The following ASNS variants were observed in gnomAD, a reference collection of about 807,000 sequenced individuals.
ASNS encodes the protein asparagine synthetase (glutamine-hydrolyzing), also known as asparagine synthetase [glutamine-hydrolyzing].
A neutral mutation model predicts 62.6 loss-of-function variants in ASNS; 37 were observed. The observed-to-expected ratio is 0.59, with a 90% CI of 0.45 to 0.78. The LOEUF (loss-of-function observed/expected upper bound fraction) is 0.78, where lower values mean the gene tolerates loss of function less well. Ranked by LOEUF, ASNS falls within the 30% of genes least tolerant of loss-of-function variation. ASNS has a pLI of 0.00. For missense variants in ASNS, 520 were observed against 682.4 expected (o/e 0.76, Z 2.65); for synonymous variants, 207 against 237.9 (o/e 0.87, Z 1.19).
the ASNS span, among the ~76,000 whole-genome samples, chr7:97,889,794 A>C: frequency 6.6e-6 from 1 of 151,848 alleles, no homozygotes; most frequent in African/African-American, 2.4e-5. Flanking sequence ...GAAACATAAC[A>C]TCTCCAAAGA....
In ASNS at chr7:97,853,149, G is replaced by C. The variant is rs751118525; in HGVS notation, c.1387C>G (p.Leu463Val). 6.2e-7 allele frequency: 1 copy of C among 1,612,120 alleles called. No individual in the cohort carries two copies. Among genetic ancestry groups the C allele is most frequent in the Non-Finnish European group, 8.5e-7 (1 of 1,179,326 alleles). The change falls in exon 12 of 13, where the codon CTC becomes GTC. Residue 463 changes from leucine (L) to valine (V), a missense_variant. Physicochemically the swap from Leu to Val is conservative, Grantham distance 32. Transcript: ENST00000394308. ...CTGAAGGCTTCTTTTGGTCGCCAGA[G>C]AATCTCTTTGGGTATCAGATTGGAA... ...EDSNLIPKEI[L>V]WRPKEAFSDG... is the part of the protein sequence containing the mutation.
the ASNS span, among the ~76,000 whole-genome samples, chr7:97,883,987 CAA>C: frequency 0.22 from 22,428 of 104,176 alleles, 2,007 homozygotes; most frequent in Middle Eastern, 0.27. Flanking sequence ...GACTCCATCT[CAA>C]AAAAAAAAAA....
the ASNS span, among the ~76,000 whole-genome samples, chr7:97,907,681 A>C: frequency 6.6e-6 from 1 of 151,836 alleles, no homozygotes; most frequent in African/African-American, 2.4e-5. Flanking sequence ...AGGAAGGAGA[A>C]TGGTGTGAAC....
chr7:97,910,588 T>G, the ASNS span, among the ~76,000 whole-genome samples: 1 of 146,638 alleles, frequency 6.8e-6, no homozygotes, highest in Admixed American at 7.2e-5. Flanking sequence ...GTCCTTTTAT[T>G]ATGAGACCAC....
the ASNS span, among the ~76,000 whole-genome samples, chr7:97,897,876 G>A: frequency 6.6e-6 from 1 of 152,116 alleles, no homozygotes; most frequent in Non-Finnish European, 1.5e-5. Context: ...ATGGATGAAT[G>A]GATAAAGAAA....
the ASNS span, among the ~76,000 whole-genome samples, chr7:97,893,344 C>G: frequency 6.6e-6 from 1 of 152,110 alleles, no homozygotes; most frequent in Admixed American, 6.6e-5. Context: ...TACAAAATAA[C>G]CAGAAAACAA....
the ASNS span, among the ~76,000 whole-genome samples, chr7:97,922,284 T>C: frequency 6.6e-6 from 1 of 152,124 alleles, no homozygotes; most frequent in Admixed American, 6.5e-5. Flanking sequence ...GAGGATTGAT[T>C]GAGCTTGGGA....
the ASNS span, among the ~76,000 whole-genome samples, chr7:97,920,909 C>T: frequency 1.3e-5 from 2 of 152,208 alleles, no homozygotes; most frequent in African/African-American, 2.4e-5. Context: ...GGGGCTCCAT[C>T]CCTCAGAGTG....
chr7:97,926,401 A>G, the ASNS span, among the ~76,000 whole-genome samples: 3 of 152,230 alleles, frequency 2.0e-5, no homozygotes, highest in African/African-American at 7.2e-5. Context: ...CTACACAGAC[A>G]AAATCTCATA....
the ASNS span, among the ~76,000 whole-genome samples, chr7:97,880,970 T>A: frequency 1.3e-5 from 2 of 150,990 alleles, no homozygotes; most frequent in African/African-American, 4.9e-5. Context: ...AGATGGAATC[T>A]TGTTCTGTCA....
chr7:97,865,844 CGT>C (rs1791937169), intron 3 of ASNS, among the ~76,000 whole-genome samples: 1 of 152,114 alleles, frequency 6.6e-6, no homozygotes. Flanking sequence ...CCTTTGTGGG[CGT>C]GCTTGCATGG....
chr7:97,896,658 G>C, the ASNS span, among the ~76,000 whole-genome samples: 1 of 110,184 alleles, frequency 9.1e-6, no homozygotes, highest in African/African-American at 3.2e-5. Flanking sequence ...GTATATATAC[G>C]TATATATGTA....
chr7:97,896,711 TAC>T, the ASNS span, among the ~76,000 whole-genome samples: 503 of 44,170 alleles, frequency 0.011, 17 homozygotes, highest in Middle Eastern at 0.033. Flanking sequence ...TGTATATATA[TAC>T]ACACACACAC....
At chr7:97,898,280 G>A in the ASNS span, 1 of 397,696 alleles carries the variant, frequency 2.5e-6, no homozygotes, top group Non-Finnish European at 4.7e-6. Context: ...TTTCATTGTT[G>A]TTTCTTGTTT....
chr7:97,853,396 G>T lies in ASNS; in HGVS notation c.1239-10C>A, dbSNP rs1791282724. 5 of 1,606,474 alleles carry T rather than the reference G, an allele frequency of 3.1e-6. No homozygotes were observed. Among genetic ancestry groups the T allele is most frequent in the African/African-American group, 1.3e-5 (1 of 74,686 alleles). ...GACTCTCAGTTCAAGACTTAAAGGA[G>T]AAAAGAAGAAAATCTAAATTAAAAT... On this transcript the variant is annotated splice_polypyrimidine_tract_variant and intron_variant, in intron 10 of 12. Transcript: ENST00000394308.
At chr7:97,878,143 T>TG in the ASNS span, among the ~76,000 whole-genome samples, 3 of 152,300 alleles carry the variant, frequency 2.0e-5, no homozygotes, top group Non-Finnish European at 2.9e-5. Flanking sequence ...CCCAACACTT[T>TG]GGGAGGCCAA....
At chr7:97,857,716 T>C (rs1791520128) in intron 7 of ASNS, among the ~76,000 whole-genome samples, 1 of 151,206 alleles carries the variant, frequency 6.6e-6, no homozygotes. Context: ...ACTCCTGAGC[T>C]CAGACCTCCC....
intron 2 of ASNS, 38 bp from the exon 3 acceptor site, chr7:97,869,217 T>A: frequency 1.9e-6 from 3 of 1,588,628 alleles, no homozygotes; most frequent in Non-Finnish European, 2.6e-6. Flanking sequence ...AAATATTCAA[T>A]ATCCAATCCA....
the ASNS span, among the ~76,000 whole-genome samples, chr7:97,902,802 C>A: frequency 2.0e-5 from 3 of 152,192 alleles, no homozygotes; most frequent in African/African-American, 7.2e-5. Flanking sequence ...ATATTACAGA[C>A]CCTTCCAGGA....
Sources: gnomAD v4.1 joint callset for allele counts (sites outside exome capture counted in the v4.1 genomes callset) on GRCh38, gnomAD v4.1.1 for gene constraint, MANE v1.5 for transcripts, NCBI Gene and HGNC (gene_info 2026-07-23, HGNC 2026-07-21) for gene names.